The following GTF2E1 variants were observed in gnomAD, a reference collection of about 807,000 sequenced individuals.
GTF2E1 encodes general transcription factor IIE subunit 1.
In GTF2E1, 14 loss-of-function variants were observed where a neutral mutation model predicts 34.9. The observed-to-expected ratio is 0.40, with a 90% confidence interval of 0.27 to 0.63. The LOEUF is 0.63. Ranked by LOEUF, GTF2E1 falls within the 20% of genes least tolerant of loss-of-function variation. GTF2E1 has a pLI of 0.39. For missense variants in GTF2E1, 469 were observed against 557.7 expected, an observed-to-expected ratio of 0.84 and a Z score of 1.60; for synonymous variants, 188 against 192.9, an observed-to-expected ratio of 0.97 and a Z score of 0.21.
chr3:120,781,352 G>A lies in GTF2E1; in HGVS notation c.1202G>A (p.Arg401His), dbSNP rs1047440305. The A allele has an allele frequency of 1.1e-5, 17 of 1,613,960 alleles. No individual in the cohort carries two copies. In the Middle Eastern group the frequency reaches 8.2e-4, roughly 78 times the overall value. The change falls in exon 5 of 5, where the codon CGT (arginine) becomes CAT (histidine). Residue 401 changes from arginine to histidine, a missense_variant. Physicochemically the swap from Arg to His is conservative, Grantham distance 29 (BLOSUM62 0). Coordinates refer to ENST00000283875, the MANE Select transcript of GTF2E1 (RefSeq NM_005513.3). ...ADDPIVMVAG[R>H]PFSYSEVSQR... ...GACCCCATTGTCATGGTGGCTGGCCGTCCGTTCTCCTACAGTGAAGTGAGC... is the reference window on the plus strand; with the variant it reads ...GACCCCATTGTCATGGTGGCTGGCCATCCGTTCTCCTACAGTGAAGTGAGC...
intron 2 of GTF2E1, among the ~76,000 whole-genome samples, chr3:120,753,770 A>G (rs1300521271): frequency 1.3e-5 from 2 of 152,078 alleles, no homozygotes; most frequent in African/African-American, 4.8e-5. Context: ...TTCCTACTCC[A>G]TCTCTACTTT....
intron 2 of GTF2E1, among the ~76,000 whole-genome samples, chr3:120,765,795 T>C (rs1709302762): frequency 6.6e-6 from 1 of 152,226 alleles, no homozygotes; most frequent in African/African-American, 2.4e-5. Context: ...GTATAGCTTA[T>C]CAAACAAATG....
chr3:120,766,581 C>G (rs1709311088), intron 2 of GTF2E1, among the ~76,000 whole-genome samples: 1 of 151,818 alleles, frequency 6.6e-6, no homozygotes, highest in Admixed American at 6.6e-5. Context: ...TCCCTTACCC[C>G]TTCATCTTCT....
rs1395081607 is a variant in GTF2E1 at position 120,752,258 on chromosome 3, G to T, written c.448+1258G>T. Among the ~76,000 whole-genome samples the T allele has an allele frequency of 3.3e-5, 5 of 152,200 alleles. 1 individual carries two copies. The highest frequency in any genetic ancestry group is 2.6e-4 in the Admixed American group (4 of 15,270). On this transcript the variant is annotated intron_variant, in intron 2 of 4. Coordinates refer to ENST00000283875, the MANE Select transcript of GTF2E1 (RefSeq NM_005513.3). ...AAAGTCTTAACCATCCTCGGTATGAGAATTGCTTGAGTGTTCTATAGAGGA... is the reference window on the plus strand; with the variant it reads ...AAAGTCTTAACCATCCTCGGTATGATAATTGCTTGAGTGTTCTATAGAGGA...
chr3:120,764,053 A>G (rs139924236), intron 2 of GTF2E1, among the ~76,000 whole-genome samples: 3 of 152,008 alleles, frequency 2.0e-5, no homozygotes, highest in Admixed American at 6.5e-5. Flanking sequence ...TTTGCATGCT[A>G]TTTTCCCTTG....
At chr3:120,765,369 C>T (rs1339048171) in intron 2 of GTF2E1, among the ~76,000 whole-genome samples, 1 of 152,088 alleles carries the variant, frequency 6.6e-6, no homozygotes, top group Non-Finnish European at 1.5e-5. Context: ...TTTGGCAAAC[C>T]TGATAGGTTA....
At chr3:120,774,243 G>A (rs1459249475) in intron 3 of GTF2E1, among the ~76,000 whole-genome samples, 2 of 152,138 alleles carry the variant, frequency 1.3e-5, no homozygotes, top group African/African-American at 4.8e-5. Flanking sequence ...CATCAAGATG[G>A]GGATGTTGGC....
chr3:120,742,967 C>T (rs1425197922), intron 1 of GTF2E1, 173 bp downstream of exon 1: 1 of 190,432 alleles, frequency 5.3e-6, no homozygotes, highest in Non-Finnish European at 1.1e-5. Flanking sequence ...CGTGTGCGAC[C>T]TCGGGTAGGG....
At chr3:120,743,986 A>C (rs908216755) in intron 1 of GTF2E1, among the ~76,000 whole-genome samples, 11 of 152,138 alleles carry the variant, frequency 7.2e-5, no homozygotes, top group Non-Finnish European at 1.2e-4. Flanking sequence ...ATGGAGATCA[A>C]AGGAAGAAAC....
chr3:120,744,781 A>G lies in GTF2E1; in HGVS notation c.-31+1987A>G, dbSNP rs907961198. 3.9e-5 allele frequency among the ~76,000 whole-genome samples: 6 copies of G among 152,198 alleles called. 1 individual carries two copies. The Middle Eastern group carries it at 0.017, about 431-fold the overall frequency. On this transcript the variant is annotated intron_variant, in intron 1 of 4. Coordinates refer to ENST00000283875, the MANE Select transcript of GTF2E1 (RefSeq NM_005513.3). ...ACTTGAGTCCGTTCCTCATATTGGT[A>G]TAAGAGTCATTTTTCTAAATAGGGG...
intron 4 of GTF2E1, among the ~76,000 whole-genome samples, chr3:120,779,299 A>C (rs1020866048): frequency 7.2e-5 from 11 of 152,234 alleles, no homozygotes; most frequent in Non-Finnish European, 4.4e-5. Context: ...TATTTGGAAC[A>C]TTCTTTTAGA....
In GTF2E1 at chr3:120,750,506, T is replaced by C; in HGVS notation, c.-30-17T>C. 6 of 1,388,972 alleles carry C rather than the reference T, an allele frequency of 4.3e-6. No homozygotes were observed. Among genetic ancestry groups the C allele is most frequent in the South Asian group, 1.3e-5 (1 of 78,546 alleles). The allele number at this position is 1,388,972 out of a possible 1,614,324, so 86.0% of individuals were successfully genotyped here. On this transcript the variant is annotated splice_polypyrimidine_tract_variant and intron_variant, in intron 1 of 4. Transcript: ENST00000283875. The stretch of plus-strand genomic sequence containing the variant: ...GTTCTTATACCTGGCTAATTTTCTG[T>C]TTTTTTTTGAATTCAGTATATTTAA...
intron 2 of GTF2E1, among the ~76,000 whole-genome samples, chr3:120,756,234 A>C (rs1014854558): frequency 2.6e-5 from 4 of 152,222 alleles, no homozygotes; most frequent in African/African-American, 9.7e-5. Context: ...CCAACAGTGT[A>C]CGACAGTTCC....
intron 4 of GTF2E1, among the ~76,000 whole-genome samples, chr3:120,778,958 A>G (rs1329075643): frequency 6.6e-6 from 1 of 152,126 alleles, no homozygotes; most frequent in Non-Finnish European, 1.5e-5. Flanking sequence ...TTTTGCTGCA[A>G]CTTGGCCTTT....
intron 2 of GTF2E1, among the ~76,000 whole-genome samples, chr3:120,770,105 C>G (rs866472370): frequency 6.6e-6 from 1 of 152,030 alleles, no homozygotes. Flanking sequence ...TTTAATCTTT[C>G]AAGTAAGTTG....
At chr3:120,762,295 T>C (rs1436590803) in intron 2 of GTF2E1, among the ~76,000 whole-genome samples, 1 of 152,178 alleles carries the variant, frequency 6.6e-6, no homozygotes, top group Non-Finnish European at 1.5e-5. Flanking sequence ...CGTTGATCTG[T>C]CTAATATTGA....
chr3:120,755,818 C>T (rs1471521306), intron 2 of GTF2E1, among the ~76,000 whole-genome samples: 1 of 152,126 alleles, frequency 6.6e-6, no homozygotes, highest in Non-Finnish European at 1.5e-5. Flanking sequence ...TCCCCGAATT[C>T]AATCATTTTG....
At position 120,770,713 on chromosome 3, in the gene GTF2E1, T is replaced by G; in HGVS notation, c.449-15T>G. ...AAGTCTTCTCTCTGACCTGAGATAC[T>G]TGTTTTCTCTGTAGGAACTTTCCGC... On this transcript the variant is annotated splice_polypyrimidine_tract_variant and intron_variant, in intron 2 of 4. Coordinates refer to ENST00000283875, the MANE Select transcript of GTF2E1 (RefSeq NM_005513.3). 1.9e-6 allele frequency: 3 copies of G among 1,600,368 alleles called. No homozygotes were observed. The highest frequency in any genetic ancestry group is 2.2e-5 in the South Asian group (2 of 90,776).
chr3:120,748,986 C>T (rs1709138128), intron 1 of GTF2E1, among the ~76,000 whole-genome samples: 1 of 152,148 alleles, frequency 6.6e-6, no homozygotes, highest in Admixed American at 6.5e-5. Context: ...AAGTTGGATT[C>T]CTAGGTATTT....
Sources: gnomAD v4.1 joint callset for allele counts (sites outside exome capture counted in the v4.1 genomes callset) on GRCh38, gnomAD v4.1.1 for gene constraint, MANE v1.5 for transcripts, NCBI Gene and HGNC (gene_info 2026-07-23, HGNC 2026-07-21) for gene names.